GPC5: variants seen among roughly 807,000 people sequenced by gnomAD.
GPC5 encodes glypican 5.
A neutral mutation model predicts 53.9 loss-of-function variants in GPC5; 47 were observed. The ratio of observed to expected loss-of-function variants is 0.87; its 90% CI spans 0.69 to 1.11. The LOEUF is 1.11. Among genes scored for constraint, GPC5 ranks in the 50% most tolerant of loss-of-function variants. The pLI is 0.00. For missense variants in GPC5, 748 were observed against 713.1 expected (o/e 1.05, Z -0.56); for synonymous variants, 286 against 263.3 (o/e 1.09, Z -0.84).
chr13:91,408,395 A>AT (rs1877484975), intron 1 of GPC5, among the ~76,000 whole-genome samples: 2 of 151,988 alleles, frequency 1.3e-5, no homozygotes, highest in South Asian at 4.1e-4. Context: ...GCATTTCCTT[A>AT]TTTTTTATGG....
At chr13:91,626,677 A>G (rs1405759055) in intron 2 of GPC5, among the ~76,000 whole-genome samples, 3 of 151,736 alleles carry the variant, frequency 2.0e-5, no homozygotes, top group East Asian at 1.9e-4. Context: ...GTTTATATAT[A>G]TATTTATTAT....
rs1031119080 is a variant in GPC5, at chr13:91,398,744, T to G, written c.-303T>G. ...CAGCAGTGGTGGCCAGAGCGGATGCTTGCGGGCTCCCTGCGGCTCCACTAG... is the reference window on the plus strand; with the variant it reads ...CAGCAGTGGTGGCCAGAGCGGATGCGTGCGGGCTCCCTGCGGCTCCACTAG... On this transcript the variant is annotated 5_prime_UTR_variant, in exon 1 of 8. Coordinates refer to ENST00000377067, the MANE Select transcript of GPC5 (RefSeq NM_004466.6). 6 of 348,676 alleles carry G rather than the reference T, an allele frequency of 1.7e-5. No homozygotes were observed. In the Admixed American group the frequency reaches 2.5e-4, roughly 14 times the overall value. 21.6% of individuals were successfully genotyped at this position (348,676 alleles called of 1,614,324 possible). A position where few individuals can be genotyped will look rare whatever the true frequency, so the allele number is the denominator to read the frequency against.
chr13:92,282,947 C>T (rs1306786019), intron 7 of GPC5, among the ~76,000 whole-genome samples: 3 of 152,230 alleles, frequency 2.0e-5, no homozygotes, highest in Admixed American at 2.0e-4. Context: ...CACAGACTGG[C>T]TAATTGGATA....
intron 7 of GPC5, chr13:92,448,165 C>G (rs749065505): frequency 6.6e-6 from 1 of 151,970 alleles, no homozygotes; most frequent in Non-Finnish European, 1.5e-5. Flanking sequence ...TGAATGAGAA[C>G]TTTAAAAATA....
chr13:91,670,958 G>C (rs192586495), intron 2 of GPC5, among the ~76,000 whole-genome samples: 17 of 152,264 alleles, frequency 1.1e-4, no homozygotes, highest in African/African-American at 4.1e-4. Context: ...TTGTATGACA[G>C]CTAGTGTTCC....
At chr13:92,300,164 T>C (rs972270674) in intron 7 of GPC5, among the ~76,000 whole-genome samples, 1 of 152,170 alleles carries the variant, frequency 6.6e-6, no homozygotes, top group Non-Finnish European at 1.5e-5. Context: ...TATAGAACAA[T>C]GGATATTGTC....
rs142457077 is a variant in GPC5 at position 92,214,875 on chromosome 13, A to T, written c.1561+69886A>T. ...CAGACAGCTCCATGAGAAAGTCTGA[A>T]TTGGCTGTTGCTGGTTTTGAAGACA... On this transcript the variant is annotated intron_variant, in intron 7 of 7. Coordinates refer to ENST00000377067, the MANE Select transcript of GPC5 (RefSeq NM_004466.6). 3.1e-3 allele frequency among the ~76,000 whole-genome samples: 471 copies of T among 152,288 alleles called. 5 individuals are homozygous for T. Among genetic ancestry groups the T allele is most frequent in the Non-Finnish European group, 4.3e-3 (294 of 68,016 alleles).
chr13:92,758,479 A>T (rs996487735), intron 7 of GPC5, among the ~76,000 whole-genome samples: 6 of 152,140 alleles, frequency 3.9e-5, no homozygotes, highest in African/African-American at 1.4e-4. Context: ...GTATAATAAT[A>T]ATAAAAAAAA....
intron 6 of GPC5, among the ~76,000 whole-genome samples, chr13:91,916,819 C>G (rs74802043): frequency 2.0e-5 from 3 of 152,130 alleles, no homozygotes; most frequent in Non-Finnish European, 4.4e-5. Context: ...GTGAGACTCA[C>G]TCACTACCAT....
At position 92,134,763 on chromosome 13, in the gene GPC5, T is replaced by C. The variant is rs186452771; in HGVS notation, c.1402-10067T>C. ...ATCTTTCTAAAAGGGAGTTCTTATA[T>C]TGGCAATGTATCATGATGAAAGTTT... On this transcript the variant is annotated intron_variant, in intron 6 of 7. Transcript: ENST00000377067. 3.4e-3 allele frequency among the ~76,000 whole-genome samples: 515 copies of C among 152,280 alleles called. 11 individuals are homozygous for C. Among genetic ancestry groups the C allele is most frequent in the Admixed American group, 5.1e-3 (78 of 15,274 alleles).
chr13:92,864,535 A>T (rs148201807), intron 7 of GPC5, among the ~76,000 whole-genome samples: 1 of 152,192 alleles, frequency 6.6e-6, no homozygotes, highest in East Asian at 1.9e-4. Flanking sequence ...TAAATCCTGT[A>T]ATGCTCAAAT....
At chr13:92,649,833 C>T (rs919158739) in intron 7 of GPC5, among the ~76,000 whole-genome samples, 2 of 152,030 alleles carry the variant, frequency 1.3e-5, no homozygotes, top group Admixed American at 6.6e-5. Flanking sequence ...ATTTCCTTAA[C>T]CTTTGAAACT....
At chr13:91,492,241 T>C (rs965412012) in intron 2 of GPC5, among the ~76,000 whole-genome samples, 15 of 152,200 alleles carry the variant, frequency 9.9e-5, no homozygotes, top group Non-Finnish European at 1.6e-4. Context: ...GATGTCTGTA[T>C]TATTCAGTGT....
At chr13:92,697,764 G>C (rs144304204) in intron 7 of GPC5, among the ~76,000 whole-genome samples, 304 of 152,264 alleles carry the variant, frequency 2.0e-3, no homozygotes, top group African/African-American at 7.1e-3. Context: ...GGGCATCCTT[G>C]TCTTGTGCCA....
chr13:92,224,957 A>G (rs1052775378), intron 7 of GPC5, among the ~76,000 whole-genome samples: 3 of 152,172 alleles, frequency 2.0e-5, no homozygotes, highest in African/African-American at 4.8e-5. Context: ...GTCCTAGCAA[A>G]TCACCAAGCC....
At chr13:92,170,240 C>T (rs957140690) in intron 7 of GPC5, among the ~76,000 whole-genome samples, 1 of 151,536 alleles carries the variant, frequency 6.6e-6, no homozygotes, top group African/African-American at 2.4e-5. Flanking sequence ...TATAGAAAGT[C>T]TTTTGTTTTG....
intron 7 of GPC5, among the ~76,000 whole-genome samples, chr13:92,177,374 G>A (rs765010890): frequency 1.2e-4 from 19 of 152,216 alleles, no homozygotes; most frequent in East Asian, 3.9e-4. Context: ...GTGTGTTAGC[G>A]TATCCCATCT....
At chr13:91,891,918 A>T (rs2039390836) in intron 5 of GPC5, among the ~76,000 whole-genome samples, 1 of 152,132 alleles carries the variant, frequency 6.6e-6, no homozygotes, top group Non-Finnish European at 1.5e-5. Flanking sequence ...CCTCAAGAGA[A>T]TTCAAAACAA....
At chr13:92,144,302 C>T (rs1409181632) in intron 6 of GPC5, among the ~76,000 whole-genome samples, 2 of 152,120 alleles carry the variant, frequency 1.3e-5, no homozygotes, top group Non-Finnish European at 2.9e-5. Flanking sequence ...CAGTATGTGC[C>T]ATATGCATTG....
Sources: allele counts gnomAD v4.1 joint callset (sites outside exome capture counted in the v4.1 genomes callset), GRCh38; gene constraint gnomAD v4.1.1; transcripts MANE v1.5; gene names NCBI Gene and HGNC (gene_info 2026-07-23, HGNC 2026-07-21).